CNTNAP2: variants seen among roughly 807,000 people sequenced by gnomAD.
The protein encoded by CNTNAP2 is contactin associated protein 2.
A neutral mutation model predicts 155.2 loss-of-function variants in CNTNAP2; 98 were observed. That is an observed-to-expected ratio of 0.63 (90% CI 0.54 to 0.75). The LOEUF is 0.75. CNTNAP2 is among the 30% of genes least tolerant of loss of function. The pLI, the probability that CNTNAP2 is intolerant of heterozygous loss-of-function variation, is 0.00. For synonymous variants in CNTNAP2, 651 were observed against 631.2 expected, an observed-to-expected ratio of 1.03 and a Z score of -0.47; for missense variants, 1,727 against 1,688.1, an observed-to-expected ratio of 1.02 and a Z score of -0.40.
chr7:146,831,653 C>G (rs143323548), intron 2 of CNTNAP2, among the ~76,000 whole-genome samples: 1 of 114,538 alleles, frequency 8.7e-6, no homozygotes, highest in East Asian at 2.6e-4. Context: ...TCCAGCCTGG[C>G]GACAGAGCAA....
intron 15 of CNTNAP2, among the ~76,000 whole-genome samples, chr7:147,991,378 C>T (rs1354353903): frequency 6.6e-6 from 1 of 151,766 alleles, no homozygotes; most frequent in Admixed American, 6.6e-5. Flanking sequence ...GTGCATGAGG[C>T]ACTTCATGAT....
chr7:147,050,338 T>C (rs1799449299), intron 4 of CNTNAP2, among the ~76,000 whole-genome samples: 1 of 152,210 alleles, frequency 6.6e-6, no homozygotes, highest in Admixed American at 6.5e-5. Flanking sequence ...TACTGAGCGT[T>C]TTTGATGGCA....
At chr7:148,295,002 CTTAAAG>C (rs1210989302) in intron 21 of CNTNAP2, among the ~76,000 whole-genome samples, 1 of 152,114 alleles carries the variant, frequency 6.6e-6, no homozygotes, top group Non-Finnish European at 1.5e-5. Context: ...TGTCTAAGGT[CTTAAAG>C]TTAGTTAAGG....
At chr7:147,020,432 G>A (rs1394848310) in intron 3 of CNTNAP2, among the ~76,000 whole-genome samples, 1 of 152,064 alleles carries the variant, frequency 6.6e-6, no homozygotes, top group African/African-American at 2.4e-5. Flanking sequence ...GACCTTGATT[G>A]TTAGTTGTCT....
chr7:146,942,557 T>A (rs1298755586), intron 3 of CNTNAP2, among the ~76,000 whole-genome samples: 2 of 151,960 alleles, frequency 1.3e-5, no homozygotes, highest in African/African-American at 4.8e-5. Context: ...ACAAAAAACT[T>A]GCATAAATTA....
At chr7:147,326,145 C>G (rs532024187) in intron 9 of CNTNAP2, among the ~76,000 whole-genome samples, 7 of 152,142 alleles carry the variant, frequency 4.6e-5, no homozygotes, top group African/African-American at 7.2e-5. Context: ...AGGATGGTCT[C>G]GATCTCCTGA....
intron 11 of CNTNAP2, among the ~76,000 whole-genome samples, chr7:147,502,144 C>G (rs1798826283): frequency 6.6e-6 from 1 of 152,096 alleles, no homozygotes; most frequent in Admixed American, 6.5e-5. Context: ...ACTAAAATAT[C>G]CTTATCAATG....
At chr7:147,282,155 G>A (rs1251911829) in intron 8 of CNTNAP2, among the ~76,000 whole-genome samples, 1 of 151,870 alleles carries the variant, frequency 6.6e-6, no homozygotes, top group Non-Finnish European at 1.5e-5. Context: ...ACCTTGGGGA[G>A]ATTTGATAGT....
chr7:146,597,441 T>C (rs1798880003), intron 1 of CNTNAP2, among the ~76,000 whole-genome samples: 2 of 152,066 alleles, frequency 1.3e-5, no homozygotes, highest in Non-Finnish European at 2.9e-5. Flanking sequence ...ACCACAAGCA[T>C]AAATTATATG....
chr7:148,152,995 T>A (rs1805330098), intron 17 of CNTNAP2, among the ~76,000 whole-genome samples: 2 of 113,330 alleles, frequency 1.8e-5, no homozygotes, highest in Admixed American at 2.8e-4. Context: ...CACTCCAGCC[T>A]GGGTGACTGA....
At chr7:147,501,311 A>G (rs989653960) in intron 11 of CNTNAP2, among the ~76,000 whole-genome samples, 1 of 151,992 alleles carries the variant, frequency 6.6e-6, no homozygotes, top group Non-Finnish European at 1.5e-5. Context: ...CTTTCCCTCA[A>G]GGATCAGGAA....
At chr7:147,185,391 A>G (rs1292390304) in intron 8 of CNTNAP2, among the ~76,000 whole-genome samples, 1 of 152,164 alleles carries the variant, frequency 6.6e-6, no homozygotes, top group Non-Finnish European at 1.5e-5. Flanking sequence ...TATACTAGAG[A>G]AATTCTTGGA....
chr7:146,354,087 C>T (rs1794961810), intron 1 of CNTNAP2, among the ~76,000 whole-genome samples: 1 of 152,076 alleles, frequency 6.6e-6, no homozygotes, highest in Admixed American at 6.6e-5. Context: ...TGCAGCCCTC[C>T]AGAACTCTGT....
intron 21 of CNTNAP2, among the ~76,000 whole-genome samples, chr7:148,310,900 A>T (rs1797584721): frequency 6.6e-6 from 1 of 152,166 alleles, no homozygotes; most frequent in Admixed American, 6.5e-5. Flanking sequence ...AACGTTGAGT[A>T]TCTACGAGCA....
intron 9 of CNTNAP2, among the ~76,000 whole-genome samples, chr7:147,386,558 A>G (rs1259056333): frequency 1.3e-5 from 2 of 152,180 alleles, no homozygotes; most frequent in Non-Finnish European, 2.9e-5. Context: ...CTGCTAAAAC[A>G]TAACAAGAGT....
At chr7:146,640,758 G>T (rs914741339) in intron 1 of CNTNAP2, among the ~76,000 whole-genome samples, 1 of 152,066 alleles carries the variant, frequency 6.6e-6, no homozygotes, top group African/African-American at 2.4e-5. Context: ...AAAGCATCTT[G>T]ACTGCGAAAA....
chr7:147,908,520 G>A (rs1800007423), intron 14 of CNTNAP2, among the ~76,000 whole-genome samples: 1 of 152,198 alleles, frequency 6.6e-6, no homozygotes, highest in Non-Finnish European at 1.5e-5. Flanking sequence ...GGAAGCCAGA[G>A]CCCCTTCTTG....
chr7:146,306,761 G>C (rs1054405238), intron 1 of CNTNAP2, among the ~76,000 whole-genome samples: 1 of 152,074 alleles, frequency 6.6e-6, no homozygotes, highest in Non-Finnish European at 1.5e-5. Context: ...ATGCTGAAAG[G>C]CCTTTGACAA....
chr7:146,861,153 C>T (rs182501388), intron 3 of CNTNAP2, among the ~76,000 whole-genome samples: 3 of 151,944 alleles, frequency 2.0e-5, no homozygotes, highest in South Asian at 2.1e-4. Context: ...CTCCGCCTCC[C>T]GGGTTCAAGC....
Sources: allele counts gnomAD v4.1 joint callset (sites outside exome capture counted in the v4.1 genomes callset), GRCh38; gene constraint gnomAD v4.1.1; transcripts MANE v1.5; gene names NCBI Gene and HGNC (gene_info 2026-07-23, HGNC 2026-07-21).